LOXHD1: variants seen among roughly 807,000 people sequenced by gnomAD.
The protein encoded by LOXHD1 is lipoxygenase homology PLAT domains 1, also known as lipoxygenase homology domain-containing protein 1.
In LOXHD1, 205 loss-of-function variants were observed where a neutral mutation model predicts 248.2. That is an observed-to-expected ratio of 0.83 (90% CI 0.74 to 0.93). LOXHD1 has a LOEUF of 0.93. Among genes scored for constraint, LOXHD1 ranks in the 40% least tolerant of loss-of-function variants. LOXHD1 has a pLI of 0.00. For missense variants in LOXHD1, 2,930 were observed against 2,971.6 expected, an observed-to-expected ratio of 0.99 and a Z score of 0.33; for synonymous variants, 1,113 against 1,162.8, an observed-to-expected ratio of 0.96 and a Z score of 0.87.
chr18:46,531,645 A>G (rs4890668), intron 28 of LOXHD1, among the ~76,000 whole-genome samples: 114,931 of 152,152 alleles, frequency 0.76, 43,987 homozygotes, highest in Non-Finnish European at 0.83. Context: ...TGAGCAATGC[A>G]GTAGTGCAGT....
chr18:46,533,681 T>G (rs1027097946), intron 27 of LOXHD1: 7 of 329,756 alleles, frequency 2.1e-5, no homozygotes, highest in Non-Finnish European at 4.1e-5. Context: ...CTCAGCACTT[T>G]GAGAGGCCAA....
intron 34 of LOXHD1, 108 bp downstream of exon 34, chr18:46,518,021 C>A (rs2035350966): frequency 1.5e-6 from 2 of 1,377,446 alleles, no homozygotes; most frequent in African/African-American, 2.9e-5. Flanking sequence ...AGGAAGGCCT[C>A]ATGGTCTGCA....
chr18:46,495,260 C>G (rs2033783208), intron 37 of LOXHD1, among the ~76,000 whole-genome samples: 1 of 152,180 alleles, frequency 6.6e-6, no homozygotes, highest in African/African-American at 2.4e-5. Context: ...AATAAATACT[C>G]TGGTTATAAT....
intron 1 of LOXHD1, among the ~76,000 whole-genome samples, chr18:46,651,657 A>G (rs906282251): frequency 6.6e-6 from 1 of 152,152 alleles, no homozygotes; most frequent in Non-Finnish European, 1.5e-5. Flanking sequence ...CCATTAAAAA[A>G]AACTGACAAA....
chr18:46,652,214 C>T (rs1237069339), intron 1 of LOXHD1, among the ~76,000 whole-genome samples: 5 of 152,100 alleles, frequency 3.3e-5, no homozygotes, highest in African/African-American at 1.2e-4. Flanking sequence ...AATGTGGTTG[C>T]CTGGGGTCAG....
chr18:46,478,719 G>T (rs939674456), intron 40 of LOXHD1, among the ~76,000 whole-genome samples: 3 of 151,936 alleles, frequency 2.0e-5, no homozygotes, highest in Non-Finnish European at 4.4e-5. Context: ...TAGAGACAGG[G>T]TATCAATTTG....
intron 32 of LOXHD1, 67 bp downstream of exon 32, chr18:46,522,034 C>G (rs2035599804): frequency 1.6e-6 from 2 of 1,283,176 alleles, no homozygotes; most frequent in Non-Finnish European, 1.1e-6. Flanking sequence ...TCCCGCCCAC[C>G]CAGGAACTGG....
At chr18:46,490,667 G>T (rs970136232) in intron 37 of LOXHD1, among the ~76,000 whole-genome samples, 2 of 152,090 alleles carry the variant, frequency 1.3e-5, no homozygotes, top group African/African-American at 4.8e-5. Flanking sequence ...TAGGGACAGG[G>T]TTTCTCCATG....
chr18:46,562,392 T>G lies in LOXHD1; in HGVS notation c.2598+673A>C, dbSNP rs545490925. Among the ~76,000 whole-genome samples, 4 of 152,318 alleles carry G rather than the reference T, an allele frequency of 2.6e-5. No homozygotes were observed. In the South Asian group the frequency reaches 8.3e-4, roughly 32 times the overall value. ...CTGCACATGCACACACATTGTCATA[T>G]CTATAATAAAACATTCATGTTTCTC... On this transcript the variant is annotated intron_variant, in intron 18 of 40. Coordinates refer to ENST00000642948, the MANE Select transcript of LOXHD1 (RefSeq NM_001384474.1).
chr18:46,601,604 T>C, intron 7 of LOXHD1, 137 bp from the exon 8 acceptor site: 1 of 1,179,844 alleles, frequency 8.5e-7, no homozygotes, highest in Non-Finnish European at 1.2e-6. Context: ...CATGTCCTAC[T>C]CCTCCAGATG....
At chr18:46,549,706 C>G (rs2037003241) in intron 21 of LOXHD1, among the ~76,000 whole-genome samples, 1 of 151,562 alleles carries the variant, frequency 6.6e-6, no homozygotes, top group Non-Finnish European at 1.5e-5. Flanking sequence ...AATTTAATAA[C>G]TTTTTGTTCA....
intron 12 of LOXHD1, among the ~76,000 whole-genome samples, chr18:46,589,263 G>A (rs1335898540): frequency 2.6e-5 from 4 of 152,104 alleles, no homozygotes; most frequent in Admixed American, 6.5e-5. Context: ...GCAATAATGC[G>A]AACCTGTGAT....
At chr18:46,519,233 G>C in intron 33 of LOXHD1, 1 of 342,086 alleles carries the variant, frequency 2.9e-6, no homozygotes. Context: ...GTTGGGGAAG[G>C]GCCATCTTGA....
intron 40 of LOXHD1, among the ~76,000 whole-genome samples, chr18:46,481,137 G>T (rs10460037): frequency 0.048 from 7,340 of 152,236 alleles, 257 homozygotes; most frequent in Non-Finnish European, 0.071. Context: ...TAACATGGTG[G>T]CAGGAAAGGA....
In LOXHD1 at chr18:46,505,842, G is replaced by C; in HGVS notation, c.5874C>G (p.Asn1958Lys). ...HLCKLRVWHD[N>K]KGIFPGWHLS... ...CTGGCCTTGAGTGGGAGCTACCTTT[G>C]TTGTCGTGCCAGACCCTCAGCTTGC... The change falls in exon 37 of 41, where the codon AAC becomes AAG. Residue 1958 changes from asparagine (N) to lysine (K), a missense_variant. Coordinates refer to ENST00000642948, the MANE Select transcript of LOXHD1 (RefSeq NM_001384474.1). The C allele has an allele frequency of 6.4e-7, 1 of 1,551,682 alleles. No individual in the cohort carries two copies. Among genetic ancestry groups the C allele is most frequent in the African/African-American group, 1.4e-5 (1 of 73,158 alleles).
Position 46,546,911 on chromosome 18 carries a change from C to G in LOXHD1, c.3498G>C (p.Leu1166=), listed in dbSNP as rs1404840674. 4 of 1,550,700 alleles carry G rather than the reference C, an allele frequency of 2.6e-6. No individual in the cohort carries two copies. The highest frequency in any genetic ancestry group is 3.5e-6 in the Non-Finnish European group (4 of 1,146,272). ...TTAGAAAACCTTTCTGCTCCAGGGC[C>G]AGGTTGTCGAGGGGGTTGTTGTCAC... The part of the protein sequence containing the change: ...GGGDNNPLDN[L]ALEQKDKSTT... The change falls in exon 22 of 41, where the codon CTG becomes CTC. Residue 1166 remains leucine, a synonymous_variant. Coordinates refer to ENST00000642948, the MANE Select transcript of LOXHD1 (RefSeq NM_001384474.1).
intron 29 of LOXHD1, among the ~76,000 whole-genome samples, chr18:46,528,533 T>G (rs564188665): frequency 1.0e-3 from 158 of 152,258 alleles, no homozygotes; most frequent in Non-Finnish European, 2.0e-3. Flanking sequence ...ACAGAACCCT[T>G]TGCTTAACAG....
intron 5 of LOXHD1, among the ~76,000 whole-genome samples, chr18:46,617,577 T>C (rs1462627545): frequency 4.6e-5 from 7 of 152,178 alleles, no homozygotes; most frequent in Admixed American, 4.6e-4. Context: ...CAATGCATTT[T>C]GAATTCTTTA....
Position 46,618,283 on chromosome 18 carries a change from C to T in LOXHD1, c.519G>A (p.Lys173=), listed in dbSNP as rs1262076963. The change falls in exon 5 of 41, where the codon AAG becomes AAA. Residue 173 remains lysine, a synonymous_variant. Coordinates refer to ENST00000642948, the MANE Select transcript of LOXHD1 (RefSeq NM_001384474.1). ...CACCAGTGTATACCTTGACTTCATA[C>T]TTATTACCTAGGAACAAGGAGAGAG... The part of the protein sequence containing the change: ...FNPMDMPRGN[K]YEVKVYTGDV... The T allele has an allele frequency of 1.7e-5, 27 of 1,549,266 alleles. No individual in the cohort carries two copies. The East Asian group carries it at 4.9e-4, about 28-fold the overall frequency.
Sources: gnomAD v4.1 joint callset for allele counts (sites outside exome capture counted in the v4.1 genomes callset) on GRCh38, gnomAD v4.1.1 for gene constraint, MANE v1.5 for transcripts, NCBI Gene and HGNC (gene_info 2026-07-23, HGNC 2026-07-21) for gene names.